EP300: variants seen among roughly 807,000 people sequenced by gnomAD.
EP300 encodes EP300 lysine acetyltransferase.
EP300 carries 31 observed loss-of-function variants against 264.0 expected under a neutral mutation model. The observed-to-expected ratio is 0.12, with a 90% CI of 0.09 to 0.16. The LOEUF (loss-of-function observed/expected upper bound fraction) is 0.16, where lower values mean the gene tolerates loss of function less well. Ranked by LOEUF, EP300 falls within the 10% of genes least tolerant of loss-of-function variation. The pLI is 1.00. For missense variants in EP300, 2,766 were observed against 3,052.9 expected, an observed-to-expected ratio of 0.91 and a Z score of 2.21; for synonymous variants, 1,340 against 1,045.4, an observed-to-expected ratio of 1.28 and a Z score of -5.44.
At position 41,092,839 on chromosome 22, in the gene EP300, C is replaced by G. The variant is rs767108253; in HGVS notation, c.-166C>G. ...TTTTCTATCGAGTCCGCATCCCTCT[C>G]CAGCCACTGCGACCCGGCGAAGAGA... On this transcript the variant is annotated 5_prime_UTR_variant, in exon 1 of 31. Coordinates refer to ENST00000263253, the MANE Select transcript of EP300 (RefSeq NM_001429.4). 3 of 775,732 alleles carry G rather than the reference C, an allele frequency of 3.9e-6. No individual in the cohort carries two copies. The highest frequency in any genetic ancestry group is 1.7e-5 in the African/African-American group (1 of 58,208). The allele number at this position is 775,732 out of a possible 1,614,324, so 48.1% of individuals were successfully genotyped here.
Position 41,177,749 on chromosome 22 carries a change from C to T in EP300, c.6038C>T (p.Pro2013Leu), listed in dbSNP as rs2059210585. The T allele has an allele frequency of 1.9e-6, 3 of 1,613,926 alleles. No homozygotes were observed. Among genetic ancestry groups the T allele is most frequent in the Admixed American group, 1.7e-5 (1 of 60,026 alleles). Residue 2013 changes from proline (P) to leucine (L), a missense_variant, in exon 31 of 31, where the codon CCA becomes CTA. By Grantham distance (98) the Pro-to-Leu change is moderately conservative. Transcript: ENST00000263253. ...PQQLQSGMPR[P>L]AMMSVAQHGQ... is the part of the protein sequence containing the mutation. ...CAACTACAGTCTGGGATGCCAAGGC[C>T]AGCCATGATGTCAGTGGCCCAGCAT... is the stretch of plus-strand genomic sequence containing the variant.
chr22:41,118,405 T>C (rs1015775420), intron 2 of EP300, among the ~76,000 whole-genome samples: 11 of 152,354 alleles, frequency 7.2e-5, no homozygotes, highest in African/African-American at 2.6e-4. Context: ...TAAATGTGGA[T>C]CCTGTATACA....
intron 11 of EP300, 105 bp downstream of exon 11, chr22:41,146,921 A>T (rs1302007228): frequency 5.1e-6 from 5 of 977,676 alleles, no homozygotes; most frequent in South Asian, 1.4e-5. Flanking sequence ...AAGTGTCATG[A>T]TTACCTGCCC....
chr22:41,092,630 TGGC>T lies in EP300; in HGVS notation c.-366_-364del, dbSNP rs1179693905. 1.3e-5 allele frequency: 8 copies of T among 632,992 alleles called. No homozygotes were observed. The highest frequency in any genetic ancestry group is 5.3e-5 in the Admixed American group (2 of 37,498). The allele number at this position is 632,992 out of a possible 1,614,324, so 39.2% of individuals were successfully genotyped here. Reference sequence around the variant, plus strand: ...ACAGCGCCGAGGAGGAAGAGGTTGATGGCGGCGGCGGAGCTCCGAGAGACCTCG... The same window carrying T: ...ACAGCGCCGAGGAGGAAGAGGTTGATGGCGGCGGAGCTCCGAGAGACCTCG... On this transcript the variant is annotated 5_prime_UTR_variant, in exon 1 of 31. Transcript: ENST00000263253.
At chr22:41,148,404 G>T (rs561483769) in intron 12 of EP300, among the ~76,000 whole-genome samples, 1 of 152,112 alleles carries the variant, frequency 6.6e-6, no homozygotes, top group East Asian at 1.9e-4. Context: ...GGGTTCCTGA[G>T]CATTACTACT....
In EP300 at chr22:41,141,188, T is replaced by C. The variant is rs2230110; in HGVS notation, c.2019T>C (p.Pro673=). 1.9e-3 allele frequency: 2,994 copies of C among 1,614,190 alleles called. 50 individuals carry two copies. In the African/African-American group the frequency reaches 0.035, roughly 19 times the overall value. The change falls in exon 10 of 31, where the codon CCT becomes CCC. Residue 673 remains proline, a synonymous_variant. Transcript: ENST00000263253. The stretch of plus-strand genomic sequence containing the variant: ...TTCCAGTTTCCATGAATCCAGGGCC[T>C]AACATGGGACAGCCGCAACCAGGAA... ...GMVPVSMNPG[P]NMGQPQPGMT...
At chr22:41,160,805 G>C in intron 20 of EP300, 83 bp downstream of exon 20, 1 of 1,305,258 alleles carries the variant, frequency 7.7e-7, no homozygotes, top group East Asian at 2.3e-5. Context: ...ATGAACTTAA[G>C]CTATGCTGTT....
At chr22:41,134,898 T>TTTTCTTTC (rs58117147) in intron 6 of EP300, among the ~76,000 whole-genome samples, 156 of 151,762 alleles carry the variant, frequency 1.0e-3, no homozygotes, top group African/African-American at 3.6e-3. Context: ...AGCATTGCTT[T>TTTTCTTTC]TTTCTTTCTT....
chr22:41,098,164 T>C (rs899542954), intron 1 of EP300, among the ~76,000 whole-genome samples: 1 of 152,116 alleles, frequency 6.6e-6, no homozygotes, highest in Non-Finnish European at 1.5e-5. Flanking sequence ...TGCTAAAAAA[T>C]TTTTTAACAT....
chr22:41,160,474 T>A, intron 19 of EP300, 168 bp from the exon 20 acceptor site: 1 of 564,198 alleles, frequency 1.8e-6, no homozygotes. Flanking sequence ...AAACCCAAAC[T>A]GTGGGGCCCA....
chr22:41,152,432 C>A, intron 16 of EP300, 82 bp downstream of exon 16: 1 of 1,509,244 alleles, frequency 6.6e-7, no homozygotes, highest in Non-Finnish European at 9.0e-7. Flanking sequence ...GCCTCTTGGG[C>A]CTCAGAAGTT....
Position 41,117,169 on chromosome 22 carries a change from T to G in EP300, c.95-18T>G. On this transcript the variant is annotated intron_variant, in intron 1 of 30. Transcript: ENST00000263253. ...GTTTTGTCATACTTTGACCTTTGTCTTTTCCCTTTGCTTTTAGATTTTGGC... is the reference window on the plus strand; with the variant it reads ...GTTTTGTCATACTTTGACCTTTGTCGTTTCCCTTTGCTTTTAGATTTTGGC... The G allele has an allele frequency of 6.2e-7, 1 of 1,612,262 alleles. No homozygotes were observed. Among genetic ancestry groups the G allele is most frequent in the Middle Eastern group, 1.7e-4 (1 of 6,060 alleles).
At chr22:41,148,009 T>C in intron 12 of EP300, 63 bp downstream of exon 12, 1 of 1,134,166 alleles carries the variant, frequency 8.8e-7, no homozygotes. Flanking sequence ...ATCCTGTTTG[T>C]TCCTACTTTA....
chr22:41,179,336 C>G lies in EP300; in HGVS notation c.*380C>G. 1 of 241,184 alleles carries G rather than the reference C, an allele frequency of 4.1e-6. No individual in the cohort carries two copies. The highest frequency in any genetic ancestry group is 8.2e-6 in the Non-Finnish European group (1 of 122,226). 14.9% of individuals were successfully genotyped at this position (241,184 alleles called of 1,614,324 possible). On this transcript the variant is annotated 3_prime_UTR_variant, in exon 31 of 31. Transcript: ENST00000263253. ...ATGTAATATTAATAGTTATTATTTACTGGTGCAGATGGTTGACATTTTTCC... is the reference window on the plus strand; with the variant it reads ...ATGTAATATTAATAGTTATTATTTAGTGGTGCAGATGGTTGACATTTTTCC...
rs200567960 is a variant in EP300 at position 41,178,879 on chromosome 22, G to A, written c.7168G>A (p.Ala2390Thr). The change falls in exon 31 of 31, where the codon GCC becomes ACC. Residue 2390 changes from alanine to threonine, a missense_variant. By Grantham distance (58) the Ala-to-Thr change is moderately conservative. Coordinates refer to ENST00000263253, the MANE Select transcript of EP300 (RefSeq NM_001429.4). ...CATGGCAAACCTCCATGGTGCAAGC[G>A]CCACGGACCTGGGACTCAGCACCGA... is the stretch of plus-strand genomic sequence containing the variant. ...PGMANLHGAS[A>T]TDLGLSTDNS... is the part of the protein sequence containing the mutation. 80 of 1,614,022 alleles carry A rather than the reference G, an allele frequency of 5.0e-5. No individual in the cohort carries two copies. The highest frequency in any genetic ancestry group is 1.6e-4 in the Middle Eastern group (1 of 6,084).
intron 26 of EP300, 59 bp downstream of exon 26, chr22:41,169,675 A>G: frequency 2.1e-6 from 2 of 966,928 alleles, no homozygotes; most frequent in Non-Finnish European, 3.3e-6. Context: ...CTGGTGAGAT[A>G]TAGGTTAAAT....
intron 5 of EP300, 111 bp from the exon 6 acceptor site, chr22:41,131,277 G>A (rs1176078201): frequency 8.3e-7 from 1 of 1,199,832 alleles, no homozygotes; most frequent in African/African-American, 1.5e-5. Context: ...CACATACTCA[G>A]ATGTTTCATA....
At chr22:41,152,478 G>T in intron 16 of EP300, 128 bp downstream of exon 16, 1 of 1,072,572 alleles carries the variant, frequency 9.3e-7, no homozygotes, top group Non-Finnish European at 1.4e-6. Context: ...GGAAGCCCTG[G>T]GCCTGGTCTC....
chr22:41,099,777 T>G (rs2058721160), intron 1 of EP300, among the ~76,000 whole-genome samples: 1 of 152,206 alleles, frequency 6.6e-6, no homozygotes, highest in Non-Finnish European at 1.5e-5. Context: ...ACTCAAGCAT[T>G]GCCCTGCCCC....
Sources: allele counts gnomAD v4.1 joint callset (sites outside exome capture counted in the v4.1 genomes callset), GRCh38; gene constraint gnomAD v4.1.1; transcripts MANE v1.5; gene names NCBI Gene and HGNC (gene_info 2026-07-23, HGNC 2026-07-21).